The following PTPRN2 variants were observed in gnomAD, a reference collection of about 807,000 sequenced individuals.
PTPRN2 encodes receptor-type tyrosine-protein phosphatase N2.
A neutral mutation model predicts 118.8 loss-of-function variants in PTPRN2; 74 were observed. The ratio of observed to expected loss-of-function variants is 0.62; its 90% confidence interval spans 0.52 to 0.76. The LOEUF (loss-of-function observed/expected upper bound fraction) is 0.76, where lower values mean the gene tolerates loss of function less well. PTPRN2 is among the 30% of genes least tolerant of loss of function. PTPRN2 has a pLI of 0.00. For synonymous variants in PTPRN2, 641 were observed against 608.0 expected, an observed-to-expected ratio of 1.05 and a Z score of -0.80; for missense variants, 1,481 against 1,394.4, an observed-to-expected ratio of 1.06 and a Z score of -0.99.
At chr7:158,002,675 G>T (rs896139686) in intron 11 of PTPRN2, among the ~76,000 whole-genome samples, 4 of 152,206 alleles carry the variant, frequency 2.6e-5, no homozygotes, top group African/African-American at 9.6e-5. Context: ...AAATGTCCAG[G>T]AATCCTGGGG....
intron 2 of PTPRN2, among the ~76,000 whole-genome samples, chr7:158,391,036 G>A (rs776375342): frequency 6.6e-6 from 1 of 152,186 alleles, no homozygotes; most frequent in Non-Finnish European, 1.5e-5. Context: ...AAATTCGAGG[G>A]GTGGAAATCA....
chr7:158,073,396 T>A (rs934204412), intron 11 of PTPRN2, among the ~76,000 whole-genome samples: 1 of 152,180 alleles, frequency 6.6e-6, no homozygotes, highest in African/African-American at 2.4e-5. Context: ...GGCCCATGCG[T>A]TGGCTTCAGG....
intron 11 of PTPRN2, among the ~76,000 whole-genome samples, chr7:158,070,894 CCA>C: frequency 1.4e-5 from 1 of 69,838 alleles, no homozygotes; most frequent in African/African-American, 6.4e-5. Context: ...GTGGAGGTGC[CCA>C]TGGTAGTGGA....
chr7:157,897,685 T>C (rs1057458843), intron 12 of PTPRN2, among the ~76,000 whole-genome samples: 10 of 152,342 alleles, frequency 6.6e-5, no homozygotes, highest in Admixed American at 2.0e-4. Context: ...CAAGAACCTC[T>C]GTTTGGGAAG....
chr7:158,372,145 C>T (rs1011264801), intron 2 of PTPRN2, among the ~76,000 whole-genome samples: 40 of 152,278 alleles, frequency 2.6e-4, no homozygotes, highest in African/African-American at 6.7e-4. Context: ...AAGAGGTCCC[C>T]GTGGAGTCTC....
At chr7:157,982,765 G>GT (rs1194272304) in intron 11 of PTPRN2, among the ~76,000 whole-genome samples, 1 of 115,884 alleles carries the variant, frequency 8.6e-6, no homozygotes, top group Non-Finnish European at 1.8e-5. Flanking sequence ...AGAGTGCAGG[G>GT]TCCCCCCCAA....
At chr7:157,796,052 C>G (rs1804850492) in intron 12 of PTPRN2, among the ~76,000 whole-genome samples, 1 of 152,200 alleles carries the variant, frequency 6.6e-6, no homozygotes, top group African/African-American at 2.4e-5. Context: ...CGTGAAACAG[C>G]AAATAAACAC....
rs141006418 is a variant in PTPRN2 at position 157,750,590 on chromosome 7, C to T, written c.1789-67653G>A. ...TTCTTGCAAGCTAGGAAGGCTGGCC[C>T]GAGGATGGCAGTTGTATCTGGCATT... On this transcript the variant is annotated intron_variant, in intron 12 of 22. Transcript: ENST00000389418. Among the ~76,000 whole-genome samples the T allele has an allele frequency of 1.5e-4, 23 of 152,292 alleles. No homozygotes were observed. The East Asian group carries it at 1.7e-3, about 12-fold the overall frequency.
At chr7:157,875,633 C>T (rs1452114481) in intron 12 of PTPRN2, among the ~76,000 whole-genome samples, 1 of 152,238 alleles carries the variant, frequency 6.6e-6, no homozygotes, top group Non-Finnish European at 1.5e-5. Flanking sequence ...ATGGCCTGTG[C>T]AGGAGGCGAG....
intron 2 of PTPRN2, among the ~76,000 whole-genome samples, chr7:158,408,284 G>C (rs1813756736): frequency 6.6e-6 from 1 of 152,154 alleles, no homozygotes; most frequent in Admixed American, 6.5e-5. Flanking sequence ...AAATTAATAA[G>C]AACACCACTA....
chr7:158,038,515 A>C (rs1279943816), intron 11 of PTPRN2, among the ~76,000 whole-genome samples: 2 of 152,070 alleles, frequency 1.3e-5, no homozygotes, highest in African/African-American at 4.8e-5. Context: ...ACACTGATTA[A>C]AAAGACACCA....
intron 9 of PTPRN2, among the ~76,000 whole-genome samples, chr7:158,128,966 A>C (rs1682689379): frequency 6.7e-6 from 1 of 148,770 alleles, no homozygotes; most frequent in African/African-American, 2.6e-5. Flanking sequence ...CACACACACA[A>C]CATACCCCAC....
rs189701776 is a variant in PTPRN2 at position 158,134,844 on chromosome 7, C to T, written c.1174-785G>A. 3.5e-3 allele frequency among the ~76,000 whole-genome samples: 533 copies of T among 152,304 alleles called. 9 individuals carry two copies. Among genetic ancestry groups the T allele is most frequent in the East Asian group, 3.3e-3 (17 of 5,184 alleles). ...AACCCCATAAATAAAGGGTGAGTTT[C>T]ACCTTTAATTTGTAGACTCTGGAGT... On this transcript the variant is annotated intron_variant, in intron 8 of 22. Coordinates refer to ENST00000389418, the MANE Select transcript of PTPRN2 (RefSeq NM_002847.5).
At chr7:157,816,802 C>T (rs1326514930) in intron 12 of PTPRN2, among the ~76,000 whole-genome samples, 1 of 152,226 alleles carries the variant, frequency 6.6e-6, no homozygotes, top group African/African-American at 2.4e-5. Context: ...ACTGCGGCTC[C>T]CTGGCCCCCT....
At chr7:157,864,905 G>GC (rs1018057152) in intron 12 of PTPRN2, 2 of 152,258 alleles carry the variant, frequency 1.3e-5, no homozygotes, top group Non-Finnish European at 2.9e-5. Context: ...GCCATCTCAG[G>GC]CCCTCCCTGA....
At chr7:158,203,955 G>A (rs1249945416) in intron 4 of PTPRN2, among the ~76,000 whole-genome samples, 2 of 152,116 alleles carry the variant, frequency 1.3e-5, no homozygotes, top group Admixed American at 6.5e-5. Context: ...AGTGTGCGCC[G>A]CGTGCTGAAG....
intron 2 of PTPRN2, among the ~76,000 whole-genome samples, chr7:158,328,171 G>A (rs554637698): frequency 2.0e-4 from 30 of 152,300 alleles, no homozygotes; most frequent in African/African-American, 6.3e-4. Flanking sequence ...CTGCTGTCAT[G>A]GCATCCAGTC....
chr7:158,068,524 T>C (rs1229312134), intron 11 of PTPRN2, among the ~76,000 whole-genome samples: 1 of 152,356 alleles, frequency 6.6e-6, no homozygotes, highest in Middle Eastern at 3.4e-3. Context: ...CCTGCATTGG[T>C]ACGGCTTCAC....
At chr7:157,936,437 C>T (rs906917773) in intron 11 of PTPRN2, among the ~76,000 whole-genome samples, 2 of 152,220 alleles carry the variant, frequency 1.3e-5, no homozygotes, top group African/African-American at 4.8e-5. Context: ...CTCCCTGTAG[C>T]TCTCTGGCCA....
Sources: gnomAD v4.1 joint callset for allele counts (sites outside exome capture counted in the v4.1 genomes callset) on GRCh38, gnomAD v4.1.1 for gene constraint, MANE v1.5 for transcripts, NCBI Gene and HGNC (gene_info 2026-07-23, HGNC 2026-07-21) for gene names.